FGF13: variants seen among roughly 807,000 people sequenced by gnomAD.
FGF13 encodes fibroblast growth factor homologous factor 2.
A neutral mutation model predicts 19.5 loss-of-function variants in FGF13; 2 were observed. The ratio of observed to expected loss-of-function variants is 0.10; its 90% CI spans 0.04 to 0.32. The LOEUF (loss-of-function observed/expected upper bound fraction) is 0.32. Ranked by LOEUF, FGF13 falls within the 10% of genes least tolerant of loss-of-function variation. FGF13 has a pLI of 1.00. For missense variants in FGF13, 113 were observed against 192.7 expected (o/e 0.59, Z 2.45); for synonymous variants, 72 against 76.9 (o/e 0.94, Z 0.33).
intron 2 of FGF13, among the ~76,000 whole-genome samples, chrX:138,859,481 G>A (rs773050868): frequency 2.7e-5 from 3 of 112,389 alleles, no homozygotes; most frequent in Non-Finnish European, 5.6e-5. Context: ...CAATGCATAA[G>A]GAATTTGTTA....
At chrX:138,996,099 C>T (rs1471131916) in intron 1 of FGF13, among the ~76,000 whole-genome samples, 1 of 111,819 alleles carries the variant, frequency 8.9e-6, no homozygotes, top group Non-Finnish European at 1.9e-5. Flanking sequence ...TGGTCTGCTG[C>T]TCCCAGTGAG....
chrX:138,822,410 TG>T (rs1228171284), intron 3 of FGF13, among the ~76,000 whole-genome samples: 2 of 111,914 alleles, frequency 1.8e-5, no homozygotes, highest in Non-Finnish European at 3.8e-5. Flanking sequence ...TCATTTCATA[TG>T]GGCAGTGTCC....
At chrX:139,158,329 C>G (rs1230624777) in intron 1 of FGF13, among the ~76,000 whole-genome samples, 1 of 110,813 alleles carries the variant, frequency 9.0e-6, no homozygotes, top group Non-Finnish European at 1.9e-5. Flanking sequence ...AGAGCCCACC[C>G]CCATTGAGCC....
chrX:139,136,049 A>T (rs972254098), intron 1 of FGF13, among the ~76,000 whole-genome samples: 3 of 111,953 alleles, frequency 2.7e-5, no homozygotes, highest in Non-Finnish European at 5.6e-5. Context: ...TTCAAGATTT[A>T]ACAAGTGTTA....
intron 1 of FGF13, among the ~76,000 whole-genome samples, chrX:139,026,630 T>C (rs963563068): frequency 9.0e-6 from 1 of 111,700 alleles, no homozygotes; most frequent in African/African-American, 3.3e-5. Context: ...CCAGTTTCTC[T>C]GGTGGGAAAC....
At chrX:138,962,805 T>C (rs1466956888) in intron 1 of FGF13, among the ~76,000 whole-genome samples, 3 of 110,884 alleles carry the variant, frequency 2.7e-5, no homozygotes, top group Non-Finnish European at 5.7e-5. Flanking sequence ...ATGAGAACAC[T>C]TGGACACAGG....
chrX:139,060,768 A>T (rs942009815), intron 1 of FGF13, among the ~76,000 whole-genome samples: 2 of 111,041 alleles, frequency 1.8e-5, no homozygotes, highest in African/African-American at 6.5e-5. Context: ...GGGTTTGGAG[A>T]ACATATTATT....
intron 3 of FGF13, among the ~76,000 whole-genome samples, chrX:138,656,142 C>G (rs2089434828): frequency 9.0e-6 from 1 of 111,324 alleles, no homozygotes; most frequent in South Asian, 3.8e-4. Context: ...AAGATGAGTA[C>G]CAAAGTAGGA....
intron 1 of FGF13, chrX:138,739,176 G>A: frequency 1.5e-6 from 1 of 663,545 alleles, no homozygotes. Context: ...TTCTACAAAG[G>A]CATTAATGTC....
intron 3 of FGF13, among the ~76,000 whole-genome samples, chrX:138,833,331 T>A (rs1014263149): frequency 2.7e-5 from 3 of 112,072 alleles, no homozygotes. Flanking sequence ...TCATCTCCGA[T>A]TTCTTTGAGC....
chrX:139,066,663 C>T (rs1294127468), intron 1 of FGF13, among the ~76,000 whole-genome samples: 1 of 111,128 alleles, frequency 9.0e-6, no homozygotes, highest in Admixed American at 9.6e-5. Flanking sequence ...ACGTCGAGGG[C>T]CAGATGGATT....
At chrX:138,860,530 C>G (rs985812449) in intron 2 of FGF13, among the ~76,000 whole-genome samples, 2 of 111,957 alleles carry the variant, frequency 1.8e-5, no homozygotes, top group African/African-American at 6.5e-5. Flanking sequence ...TGCACATGAC[C>G]TCTATCCTCT....
chrX:138,921,843 G>A (rs889341288), intron 1 of FGF13, among the ~76,000 whole-genome samples: 4 of 109,183 alleles, frequency 3.7e-5, no homozygotes, highest in African/African-American at 1.3e-4. Context: ...GCTAGGCACT[G>A]CAGGGAGATC....
chrX:138,778,273 A>C (rs1351691272), intron 3 of FGF13, among the ~76,000 whole-genome samples: 1 of 109,197 alleles, frequency 9.2e-6, no homozygotes, highest in Non-Finnish European at 1.9e-5. Context: ...ATGAGATATT[A>C]CCACATCCCA....
intron 1 of FGF13, among the ~76,000 whole-genome samples, chrX:139,054,102 G>A (rs1429415947): frequency 9.9e-6 from 1 of 100,530 alleles, no homozygotes; most frequent in African/African-American, 3.7e-5. Context: ...TGTTCTGTTC[G>A]ATTGGTCTAC....
At chrX:138,998,395 TA>T (rs1189513656) in intron 1 of FGF13, among the ~76,000 whole-genome samples, 1 of 110,416 alleles carries the variant, frequency 9.1e-6, no homozygotes, top group Non-Finnish European at 1.9e-5. Flanking sequence ...GCAAACTGGA[TA>T]AAGAGTCAAG....
intron 1 of FGF13, among the ~76,000 whole-genome samples, chrX:139,000,309 C>A (rs192237611): frequency 8.1e-5 from 9 of 111,782 alleles, no homozygotes; most frequent in African/African-American, 2.6e-4. Flanking sequence ...CACTCCTATT[C>A]AACATAGTAT....
At chrX:138,777,234 G>GA (rs753010877) in intron 3 of FGF13, among the ~76,000 whole-genome samples, 39 of 111,440 alleles carry the variant, frequency 3.5e-4, no homozygotes, top group Admixed American at 8.6e-4. Context: ...GTAGCCAGGG[G>GA]AAGCACTCTC....
chrX:139,012,334 G>C (rs1411101048), intron 1 of FGF13, among the ~76,000 whole-genome samples: 1 of 111,016 alleles, frequency 9.0e-6, no homozygotes, highest in East Asian at 2.8e-4. Flanking sequence ...CACAGAACTA[G>C]AAAATAAACA....
Sources: gnomAD v4.1 joint callset for allele counts (sites outside exome capture counted in the v4.1 genomes callset) on GRCh38, gnomAD v4.1.1 for gene constraint, MANE v1.5 for transcripts, NCBI Gene and HGNC (gene_info 2026-07-23, HGNC 2026-07-21) for gene names.